Variants in CROCC observed in about 807,000 individuals in gnomAD.
CROCC encodes the protein rootletin.
A neutral mutation model predicts 245.2 loss-of-function variants in CROCC; 180 were observed. The ratio of observed to expected loss-of-function variants is 0.73; its 90% CI spans 0.65 to 0.83. CROCC has a LOEUF of 0.83. CROCC is among the 40% of genes least tolerant of loss of function. The pLI, the probability that CROCC is intolerant of heterozygous loss-of-function variation, is 0.00. For missense variants in CROCC, 2,688 were observed against 2,779.4 expected (o/e 0.97, Z 0.74); for synonymous variants, 1,205 against 1,241.6 (o/e 0.97, Z 0.62).
At chr1:16,945,348 G>A (rs1182512621) in intron 14 of CROCC, 114 bp from the exon 15 acceptor site, 1 of 1,496,488 alleles carries the variant, frequency 6.7e-7, no homozygotes. Flanking sequence ...GGCTCAGGCT[G>A]TTTCTCTCCA....
At position 16,930,110 on chromosome 1, in the gene CROCC, C is replaced by T. The variant is rs1376167220; in HGVS notation, c.538-14C>T. On this transcript the variant is annotated splice_polypyrimidine_tract_variant and intron_variant, in intron 4 of 36. Transcript: ENST00000375541. ...CCCAACCCCTGGGGCTCACCATCAG[C>T]TCCCCATCCCCAGATTCTCCAGTAC... 6.3e-7 allele frequency: 1 copy of T among 1,585,142 alleles called. No homozygotes were observed. Among genetic ancestry groups the T allele is most frequent in the South Asian group, 1.2e-5 (1 of 86,822 alleles).
At position 16,966,773 on chromosome 1, in the gene CROCC, G is replaced by C. The variant is rs928915668; in HGVS notation, c.4860+202G>C. The stretch of plus-strand genomic sequence containing the variant: ...TGGTCACTAGGCTGTAGAAAAAAGA[G>C]CTTGGTCAAGGTGCAGTAGCTCATG... On this transcript the variant is annotated intron_variant, in intron 30 of 36. Coordinates refer to ENST00000375541, the MANE Select transcript of CROCC (RefSeq NM_014675.5). The surrounding 1 kb of genome is among the most constrained non-coding windows in gnomAD (Gnocchi z 4.8). Among the ~76,000 whole-genome samples the C allele has an allele frequency of 6.6e-6, 1 of 152,208 alleles. No homozygotes were observed. Among genetic ancestry groups the C allele is most frequent in the Non-Finnish European group, 1.5e-5 (1 of 68,028 alleles).
upstream of CROCC, among the ~76,000 whole-genome samples, chr1:16,917,125 A>C (rs1265937179): frequency 2.0e-5 from 3 of 152,382 alleles, no homozygotes; most frequent in East Asian, 5.8e-4. Flanking sequence ...CTCAAAAACA[A>C]AACAAAACAA....
intron 31 of CROCC, 126 bp from the exon 32 acceptor site, chr1:16,968,987 CAAT>C (rs773167356): frequency 2.9e-5 from 27 of 929,486 alleles, no homozygotes; most frequent in African/African-American, 2.1e-4. Context: ...CACTGGGTCT[CAAT>C]GATGGAGGCC....
intron 1 of CROCC, among the ~76,000 whole-genome samples, chr1:16,916,853 C>G (rs776266299): frequency 3.9e-5 from 6 of 152,302 alleles, no homozygotes; most frequent in Non-Finnish European, 8.8e-5. Flanking sequence ...CGCAGTGGCT[C>G]ATGCCTATAA....
rs1391815352 is a variant in CROCC, at chr1:16,953,299, T to C, written c.3007-3T>C. The C allele has an allele frequency of 6.3e-7, 1 of 1,578,214 alleles. No individual in the cohort carries two copies. The highest frequency in any genetic ancestry group is 1.8e-5 in the Admixed American group (1 of 54,358). ...TCACAGGCATCCGGTCCTGGCCCCC[T>C]AGGAGGCAGCATGGCGGGAGCTGGA... On this transcript the variant is annotated splice_region_variant and splice_polypyrimidine_tract_variant and intron_variant, in intron 20 of 36. Transcript: ENST00000375541.
chr1:16,972,268 T>C (rs1395369396), intron 36 of CROCC, 92 bp from the exon 37 acceptor site: 29 of 959,644 alleles, frequency 3.0e-5, no homozygotes, highest in Non-Finnish European at 4.8e-5. Flanking sequence ...CCTGAAACTG[T>C]GGCACTGTGT....
chr1:16,915,813 G>T lies in CROCC; in HGVS notation n.126-14473G>T, dbSNP rs183576493. Among the ~76,000 whole-genome samples, 445 of 152,288 alleles carry T rather than the reference G, an allele frequency of 2.9e-3. 2 individuals are homozygous for T. The highest frequency in any genetic ancestry group is 9.5e-3 in the African/African-American group (394 of 41,514). On this transcript the variant is annotated intron_variant and non_coding_transcript_variant, in intron 1 of 8. Transcript: ENST00000466256. The stretch of plus-strand genomic sequence containing the variant: ...CAGCTGTGCAAAAGAAGGGGGAAGT[G>T]CGTCCCAGGCAGAGAAAGTGGCAGT...
chr1:16,923,020 G>A lies in CROCC; in HGVS notation c.196+222G>A, dbSNP rs140202916. ...TGTGGTGCAACTAGAAGGAAGGGCC[G>A]AGCATCTCCTGCGTGCTTGCCTGTA... On this transcript the variant is annotated intron_variant, in intron 2 of 36. Coordinates refer to ENST00000375541, the MANE Select transcript of CROCC (RefSeq NM_014675.5). 9.2e-5 allele frequency among the ~76,000 whole-genome samples: 14 copies of A among 152,400 alleles called. No homozygotes were observed. In the East Asian group the frequency reaches 2.3e-3, roughly 25 times the overall value.
At position 16,960,960 on chromosome 1, in the gene CROCC, C is replaced by T; in HGVS notation, c.4235C>T (p.Ala1412Val). 1 of 1,395,888 alleles carries T rather than the reference C, an allele frequency of 7.2e-7. No individual in the cohort carries two copies. The allele number at this position is 1,395,888 out of a possible 1,614,324, so 86.5% of individuals were successfully genotyped here. A position where few individuals can be genotyped will look rare whatever the true frequency, so the allele number is the denominator to read the frequency against. The change falls in exon 27 of 37, where the codon GCA becomes GTA. Residue 1412 changes from alanine to valine, a missense_variant. This residue lies in a region of CROCC where 1,218 missense variants were observed against 1,286.3 expected (regional missense o/e 0.95). Transcript: ENST00000375541. The stretch of plus-strand genomic sequence containing the variant: ...CGGCTGAGCGCAGCCGAGGGCCGGG[C>T]ACAAGGCCTGGAGGCCGAGCTGGCC... Reference protein sequence around the residue: ...GLRLSAAEGRAQGLEAELARV... With the variant: ...GLRLSAAEGRVQGLEAELARV...
intron 13 of CROCC, chr1:16,941,552 C>G (rs1348987631): frequency 1.3e-5 from 2 of 152,504 alleles, no homozygotes; most frequent in Non-Finnish European, 2.9e-5. Flanking sequence ...CACAGTGAAA[C>G]CCCGTCTCTA....
In CROCC at chr1:16,968,232, G is replaced by C; in HGVS notation, c.4890G>C (p.Glu1630Asp). The C allele has an allele frequency of 1.3e-6, 2 of 1,567,350 alleles. No homozygotes were observed. The highest frequency in any genetic ancestry group is 1.2e-5 in the South Asian group (1 of 85,068). ...QEKISKMKAN[E>D]TKLEGDKRRL... ...AGATCAGCAAGATGAAGGCCAATGA[G>C]ACAAAGCTGGAGGGCGACAAGCGGC... Residue 1630 changes from glutamate (E) to aspartate (D), a missense_variant, in exon 31 of 37, where the codon GAG becomes GAC. Coordinates refer to ENST00000375541, the MANE Select transcript of CROCC (RefSeq NM_014675.5).
intron 25 of CROCC, among the ~76,000 whole-genome samples, chr1:16,956,849 T>C (rs551199515): frequency 1.3e-5 from 2 of 152,244 alleles, no homozygotes; most frequent in South Asian, 2.1e-4. Flanking sequence ...AACAGCAGCA[T>C]GTATTGAAGA....
chr1:16,952,603 C>T (rs1219230672), intron 20 of CROCC, among the ~76,000 whole-genome samples: 2 of 152,162 alleles, frequency 1.3e-5, no homozygotes, highest in East Asian at 1.9e-4. Context: ...CCTGTGGGCT[C>T]TGCCTGCCCG....
Position 16,954,967 on chromosome 1 carries a change from A to G in CROCC, c.3465+90A>G. On this transcript the variant is annotated intron_variant, in intron 23 of 36. Transcript: ENST00000375541. The surrounding 1 kb of genome is among the most constrained non-coding windows in gnomAD (Gnocchi z 4.4). ...GTTCCCCAGGGCCCCAGAAGAGTGT[A>G]AGATTCCTCCCTGCATTTGAGGACC... is the stretch of plus-strand genomic sequence containing the variant. 1 of 1,402,826 alleles carries G rather than the reference A, an allele frequency of 7.1e-7. No homozygotes were observed. The highest frequency in any genetic ancestry group is 9.4e-7 in the Non-Finnish European group (1 of 1,062,110). The allele number at this position is 1,402,826 out of a possible 1,614,324, so 86.9% of individuals were successfully genotyped here. A position where few individuals can be genotyped will look rare whatever the true frequency, so the allele number is the denominator to read the frequency against.
intron 20 of CROCC, among the ~76,000 whole-genome samples, chr1:16,951,628 G>A (rs1249223878): frequency 6.6e-6 from 1 of 152,240 alleles, no homozygotes; most frequent in Non-Finnish European, 1.5e-5. Context: ...GATGAGCTGA[G>A]ACCATCTGCA....
chr1:16,932,255 A>T (rs1173735156), intron 8 of CROCC, among the ~76,000 whole-genome samples: 24 of 152,240 alleles, frequency 1.6e-4, no homozygotes, highest in African/African-American at 5.8e-4. Flanking sequence ...ACCAGCCTCA[A>T]CATGGAGAAA....
chr1:16,932,434 C>T lies in CROCC; in HGVS notation c.956+1037C>T, dbSNP rs560202029. ...CGGCCTGGGCAACAAGAGCAGAACT[C>T]CATCCAAAAAAAGTAAAATAAAATT... On this transcript the variant is annotated intron_variant, in intron 8 of 36. Coordinates refer to ENST00000375541, the MANE Select transcript of CROCC (RefSeq NM_014675.5). Among the ~76,000 whole-genome samples the T allele has an allele frequency of 3.9e-5, 6 of 152,312 alleles. No individual in the cohort carries two copies. The South Asian group carries it at 1.2e-3, about 32-fold the overall frequency.
rs1213755602 is a variant in CROCC at position 16,930,024 on chromosome 1, A to G, written c.530A>G (p.Gln177Arg). 6.4e-7 allele frequency: 1 copy of G among 1,574,656 alleles called. No individual in the cohort carries two copies. The highest frequency in any genetic ancestry group is 1.2e-5 in the South Asian group (1 of 86,276). Residue 177 changes from glutamine (Q) to arginine (R), a missense_variant, in exon 4 of 37, where the codon CAG (glutamine) becomes CGG (arginine). Gln to Arg is a conservative substitution (Grantham distance 43, BLOSUM62 1). Coordinates refer to ENST00000375541, the MANE Select transcript of CROCC (RefSeq NM_014675.5). ...QRQAQLVQRL[Q>R]GKILQYKKRC... The stretch of plus-strand genomic sequence containing the variant: ...CAGGCCCAGCTTGTGCAGCGGCTGC[A>G]GGGCAAGGTCAGGACCACCCACTCC...
Sources: allele counts gnomAD v4.1 joint callset (sites outside exome capture counted in the v4.1 genomes callset), GRCh38; gene constraint gnomAD v4.1.1; regional missense constraint gnomAD v4.1.1; non-coding constraint Gnocchi (gnomAD v3.1); transcripts MANE v1.5; gene names NCBI Gene and HGNC (gene_info 2026-07-23, HGNC 2026-07-21).